ALPL: variants seen among roughly 807,000 people sequenced by gnomAD.
ALPL encodes alkaline phosphatase, biomineralization associated.
A neutral mutation model predicts 51.3 loss-of-function variants in ALPL; 42 were observed. That is an observed-to-expected ratio of 0.82 (90% confidence interval 0.64 to 1.06). The LOEUF is 1.06. Among genes scored for constraint, ALPL ranks in the 50% least tolerant of loss-of-function variants. The pLI is 0.00. For synonymous variants in ALPL, 279 were observed against 296.4 expected (o/e 0.94, Z 0.60); for missense variants, 589 against 709.4 (o/e 0.83, Z 1.93).
intron 2 of ALPL, among the ~76,000 whole-genome samples, chr1:21,555,472 A>C (rs1309501429): frequency 6.6e-6 from 1 of 152,226 alleles, no homozygotes; most frequent in Non-Finnish European, 1.5e-5. Context: ...GATGGAGTGC[A>C]GTGACGTGAT....
rs746390776 is a variant in ALPL, at chr1:21,575,901, C to A, written c.1166C>A (p.Thr389Asn). The A allele has an allele frequency of 5.6e-6, 9 of 1,614,168 alleles. No individual in the cohort carries two copies. The highest frequency in any genetic ancestry group is 6.8e-6 in the Non-Finnish European group (8 of 1,180,006). Residue 389 changes from threonine (T) to asparagine (N), a missense_variant, in exon 10 of 12, where the codon ACC (threonine) becomes AAC (asparagine). By Grantham distance (65) the Thr-to-Asn change is moderately conservative. Coordinates refer to ENST00000374840, the MANE Select transcript of ALPL (RefSeq NM_000478.6). ...HSHVFTFGGY[T>N]PRGNSIFGLA... ...CACGTCTTCACATTTGGTGGATACA[C>A]CCCCCGTGGCAACTCTATCTTTGGT...
intron 2 of ALPL, among the ~76,000 whole-genome samples, chr1:21,556,705 G>A (rs1420470035): frequency 6.6e-6 from 1 of 152,080 alleles, no homozygotes; most frequent in African/African-American, 2.4e-5. Flanking sequence ...TTGGGAGGCC[G>A]AGGTAGGTGG....
chr1:21,524,218 G>T (rs1558528760), intron 1 of ALPL, among the ~76,000 whole-genome samples: 1 of 151,942 alleles, frequency 6.6e-6, no homozygotes, highest in Non-Finnish European at 1.5e-5. Flanking sequence ...TGCTCAGGCT[G>T]GTCTCAAACT....
In ALPL at chr1:21,577,520, G is replaced by A. The variant is rs1256212515; in HGVS notation, c.1447G>A (p.Val483Met). 9 of 1,607,796 alleles carry A rather than the reference G, an allele frequency of 5.6e-6. No individual in the cohort carries two copies. The highest frequency in any genetic ancestry group is 4.0e-5 in the African/African-American group (3 of 74,918). ...CCACGAGCAGAACTACGTCCCCCAC[G>A]TGATGGCGTATGCAGCCTGCATCGG... ...GVHEQNYVPH[V>M]MAYAACIGAN... is the part of the protein sequence containing the mutation. The change falls in exon 12 of 12, where the codon GTG becomes ATG. Residue 483 changes from valine (V) to methionine (M), a missense_variant. By Grantham distance (21) the Val-to-Met change is conservative. Transcript: ENST00000374840.
rs532185349 is a variant in ALPL, at chr1:21,546,576, G to T, written c.-104-7402G>T. Among the ~76,000 whole-genome samples, 6 of 152,326 alleles carry T rather than the reference G, an allele frequency of 3.9e-5. No individual in the cohort carries two copies. The South Asian group carries it at 1.2e-3, about 32-fold the overall frequency. On this transcript the variant is annotated intron_variant, in intron 1 of 11. Transcript: ENST00000374840. ...TTTTGGAAGCAGAAAAGGCCCCTCC[G>T]TGCTGGCAACAGCTCGTCCACCTCC...
chr1:21,566,329 G>T (rs963001333), intron 6 of ALPL, among the ~76,000 whole-genome samples: 1 of 152,186 alleles, frequency 6.6e-6, no homozygotes, highest in South Asian at 2.1e-4. Flanking sequence ...TGTCTCTAAG[G>T]CTGGAGTGTA....
At chr1:21,512,391 A>AT (rs1643707114) in intron 1 of ALPL, among the ~76,000 whole-genome samples, 1 of 152,216 alleles carries the variant, frequency 6.6e-6, no homozygotes, top group South Asian at 2.1e-4. Flanking sequence ...TCGCAAGATC[A>AT]TAAATGGTTT....
chr1:21,565,270 A>G (rs1467284720), intron 6 of ALPL, among the ~76,000 whole-genome samples: 1 of 152,176 alleles, frequency 6.6e-6, no homozygotes, highest in African/African-American at 2.4e-5. Flanking sequence ...TTCAGGACAC[A>G]CAGTGCTGTT....
chr1:21,544,222 CCAAAGGAAA>C (rs1269098413), intron 1 of ALPL, among the ~76,000 whole-genome samples: 2 of 152,220 alleles, frequency 1.3e-5, no homozygotes, highest in Non-Finnish European at 1.5e-5. Context: ...ATGTTAGACG[CCAAAGGAAA>C]CAGTTTCGGA....
intron 2 of ALPL, among the ~76,000 whole-genome samples, chr1:21,557,743 T>C (rs1446691436): frequency 6.6e-6 from 1 of 152,204 alleles, no homozygotes; most frequent in Non-Finnish European, 1.5e-5. Context: ...TTCTTTTTTT[T>C]CTTCAATTAG....
At chr1:21,560,941 GGA>G (rs1389283094) in intron 3 of ALPL, among the ~76,000 whole-genome samples, 154 bp from the exon 4 acceptor site, 3 of 152,140 alleles carry the variant, frequency 2.0e-5, no homozygotes, top group Non-Finnish European at 4.4e-5. Flanking sequence ...GGGGGTGAAG[GGA>G]GAGAGGGGCT....
chr1:21,553,872 G>A (rs1050714047), intron 1 of ALPL, 106 bp from the exon 2 acceptor site: 4 of 606,064 alleles, frequency 6.6e-6, no homozygotes, highest in Non-Finnish European at 1.2e-5. Context: ...TGTAATAGGT[G>A]CTCACCGAAT....
intron 2 of ALPL, among the ~76,000 whole-genome samples, chr1:21,559,571 G>A (rs1223491179): frequency 6.6e-6 from 1 of 152,196 alleles, no homozygotes; most frequent in Non-Finnish European, 1.5e-5. Context: ...CCAGGCTGGA[G>A]TGCAGTGGTA....
rs35302039 is a variant in ALPL at position 21,522,072 on chromosome 1, A to ATT, written c.-105+12571_-105+12572dup. Among the ~76,000 whole-genome samples the ATT allele has an allele frequency of 2.2e-3, 300 of 134,748 alleles. 3 individuals carry two copies. The highest frequency in any genetic ancestry group is 3.2e-3 in the East Asian group (15 of 4,644). The allele number at this position is 134,748 out of a possible 152,430, so 88.4% of individuals were successfully genotyped here. ...AGAGGAGTAACCAATACATATGTCC[A>ATT]TTTTTTTTTTTTTTTTTGAGATGGA... On this transcript the variant is annotated intron_variant, in intron 1 of 11. Coordinates refer to ENST00000374840, the MANE Select transcript of ALPL (RefSeq NM_000478.6).
At chr1:21,536,306 T>C (rs1644104723) in intron 1 of ALPL, among the ~76,000 whole-genome samples, 1 of 152,210 alleles carries the variant, frequency 6.6e-6, no homozygotes, top group Non-Finnish European at 1.5e-5. Flanking sequence ...GCAAGATTTT[T>C]CCTCTGGCAG....
intron 2 of ALPL, among the ~76,000 whole-genome samples, chr1:21,555,370 C>G (rs2148140005): frequency 6.6e-6 from 1 of 152,290 alleles, no homozygotes; most frequent in African/African-American, 2.4e-5. Flanking sequence ...TGTATATGTG[C>G]AGGTCACAGG....
intron 7 of ALPL, 108 bp downstream of exon 7, chr1:21,568,355 A>G (rs576475042): frequency 6.7e-7 from 1 of 1,490,000 alleles, no homozygotes; most frequent in East Asian, 2.4e-5. Context: ...GGCATCGGAA[A>G]TCTTTCCTCC....
chr1:21,541,885 C>T (rs559745823), intron 1 of ALPL, among the ~76,000 whole-genome samples: 2 of 152,256 alleles, frequency 1.3e-5, no homozygotes, highest in Admixed American at 1.3e-4. Flanking sequence ...GGTACTTCCA[C>T]GTCTGTTTCC....
chr1:21,524,954 A>T (rs1379807407), intron 1 of ALPL, among the ~76,000 whole-genome samples: 1 of 152,204 alleles, frequency 6.6e-6, no homozygotes, highest in Non-Finnish European at 1.5e-5. Flanking sequence ...CTGCTAACTC[A>T]GAAACGTAAG....
Sources: allele counts gnomAD v4.1 joint callset (sites outside exome capture counted in the v4.1 genomes callset), GRCh38; gene constraint gnomAD v4.1.1; transcripts MANE v1.5; gene names NCBI Gene and HGNC (gene_info 2026-07-23, HGNC 2026-07-21).